The following PLEKHG5 variants were observed in gnomAD, a reference collection of about 807,000 sequenced individuals.
The protein encoded by PLEKHG5 is pleckstrin homology domain-containing family G member 5.
PLEKHG5 carries 52 observed loss-of-function variants against 103.8 expected under a neutral mutation model. The ratio of observed to expected loss-of-function variants is 0.50; its 90% CI spans 0.40 to 0.63. The LOEUF (loss-of-function observed/expected upper bound fraction) is 0.63, where lower values mean the gene tolerates loss of function less well. Among genes scored for constraint, PLEKHG5 ranks in the 30% least tolerant of loss-of-function variants. PLEKHG5 has a pLI of 0.00. For missense variants in PLEKHG5, 1,205 were observed against 1,347.6 expected, an observed-to-expected ratio of 0.89 and a Z score of 1.66; for synonymous variants, 592 against 575.5, an observed-to-expected ratio of 1.03 and a Z score of -0.41.
chr1:6,513,393 C>T (rs754236370), intron 1 of PLEKHG5, among the ~76,000 whole-genome samples: 9 of 152,236 alleles, frequency 5.9e-5, no homozygotes, highest in Admixed American at 6.5e-5. Context: ...CCTGGATGCC[C>T]GCCTGGGGTC....
At chr1:6,479,357 A>G (rs1255439446) in intron 1 of PLEKHG5, among the ~76,000 whole-genome samples, 161 of 132,146 alleles carry the variant, frequency 1.2e-3, no homozygotes, top group African/African-American at 4.4e-3. Context: ...CGCGATCTCG[A>G]CTCACTGCAA....
intron 7 of PLEKHG5, 143 bp from the exon 8 acceptor site, chr1:6,473,597 A>T: frequency 1.5e-6 from 1 of 649,206 alleles, no homozygotes; most frequent in South Asian, 2.0e-5. Context: ...CTCTCCTGGG[A>T]CCCAGACATA....
chr1:6,496,452 C>T (rs781468396), upstream of PLEKHG5: 2 of 1,455,398 alleles, frequency 1.4e-6, no homozygotes, highest in Admixed American at 1.7e-5. Flanking sequence ...AGCCCTGGCC[C>T]CTCTGCCCCC....
At chr1:6,503,375 C>G (rs1645316852) in intron 1 of PLEKHG5, among the ~76,000 whole-genome samples, 2 of 151,460 alleles carry the variant, frequency 1.3e-5, no homozygotes, top group Non-Finnish European at 2.9e-5. Context: ...CCACTGCACT[C>G]CAGCCTGGGT....
At position 6,505,303 on chromosome 1, in the gene PLEKHG5, C is replaced by A. The variant is rs1029717494; in HGVS notation, c.-164-8734G>T. Reference sequence around the variant, plus strand: ...CCGACCAGCCCACGATGCCGACCAGCCTACGGTGCCGACCAGCTGAGCTGA... The same window carrying A: ...CCGACCAGCCCACGATGCCGACCAGACTACGGTGCCGACCAGCTGAGCTGA... On this transcript the variant is annotated intron_variant, in intron 1 of 21. Transcript: ENST00000377740. This position sits in a 1 kb window ranked among gnomAD's most constrained non-coding sequence, Gnocchi z 4.2. Among the ~76,000 whole-genome samples, 2 of 152,124 alleles carry A rather than the reference C, an allele frequency of 1.3e-5. No homozygotes were observed.
chr1:6,469,261 A>G lies in PLEKHG5; in HGVS notation c.2050-20T>C. ...CTGGTTCTGCAGGCAAGGTTGGGGT[A>G]CATGGGACAGAATGGGTTGTGACCA... On this transcript the variant is annotated intron_variant, in intron 18 of 20. Coordinates refer to ENST00000377728, the MANE Select transcript of PLEKHG5 (RefSeq NM_020631.6). 6.2e-7 allele frequency: 1 copy of G among 1,613,988 alleles called. No individual in the cohort carries two copies. Among genetic ancestry groups the G allele is most frequent in the Non-Finnish European group, 8.5e-7 (1 of 1,179,984 alleles).
Position 6,474,155 on chromosome 1 carries a change from T to C in PLEKHG5, c.449A>G (p.Lys150Arg). 6.2e-7 allele frequency: 1 copy of C among 1,613,454 alleles called. No homozygotes were observed. The highest frequency in any genetic ancestry group is 1.1e-5 in the South Asian group (1 of 91,058). Residue 150 changes from lysine (K) to arginine (R), a missense_variant, in exon 7 of 21, where the codon AAG becomes AGG. Transcript: ENST00000377728. ...GHYLRVKAPA[K>R]PGDEGKVEQG... ...CTCCACCTTGCCCTCATCTCCAGGCTTGGCTGGGGCTGCATGTGGGGGCCA... is the reference window on the plus strand; with the variant it reads ...CTCCACCTTGCCCTCATCTCCAGGCCTGGCTGGGGCTGCATGTGGGGGCCA...
chr1:6,484,620 G>T (rs1222088425), intron 1 of PLEKHG5, among the ~76,000 whole-genome samples: 3 of 152,082 alleles, frequency 2.0e-5, no homozygotes, highest in African/African-American at 7.2e-5. Flanking sequence ...CCAGAGGCAG[G>T]ACTCCCCCAG....
intron 1 of PLEKHG5, among the ~76,000 whole-genome samples, chr1:6,504,426 C>T (rs576931660): frequency 1.3e-5 from 2 of 152,246 alleles, no homozygotes; most frequent in South Asian, 4.2e-4. Flanking sequence ...GCCTGTGGGA[C>T]ACTGTACCTG....
intron 20 of PLEKHG5, 54 bp from the exon 21 acceptor site, chr1:6,467,626 G>A: frequency 1.3e-6 from 2 of 1,590,160 alleles, no homozygotes; most frequent in Non-Finnish European, 1.7e-6. Flanking sequence ...ATTCAGAGTG[G>A]CTCTGGTCAC....
intron 10 of PLEKHG5, 112 bp downstream of exon 10, chr1:6,472,415 C>T (rs2148586753): frequency 4.9e-6 from 4 of 815,934 alleles, no homozygotes; most frequent in East Asian, 5.3e-5. Flanking sequence ...ACTTTCCTGC[C>T]CCCACCTCAT....
chr1:6,485,144 C>T (rs1262022288), intron 1 of PLEKHG5, among the ~76,000 whole-genome samples: 1 of 152,176 alleles, frequency 6.6e-6, no homozygotes, highest in African/African-American at 2.4e-5. Context: ...CCGAGGTCCC[C>T]GTCACCAGGG....
rs1209077258 is a variant in PLEKHG5, at chr1:6,470,778, C to T, written c.1499G>A (p.Arg500Lys). ...CTTGGCGCGCGGCTCCTCGGTCTTC[C>T]TCAGCACCGACTTGAGCAGCAGCGG... ...KYPLLLKSVLRKTEEPRAKEA... is the reference protein window; with the variant it reads ...KYPLLLKSVLKKTEEPRAKEA... Residue 500 changes from arginine (R) to lysine (K), a missense_variant, in exon 14 of 21, where the codon AGG becomes AAG. Transcript: ENST00000377728. The T allele has an allele frequency of 1.3e-6, 2 of 1,570,642 alleles. No individual in the cohort carries two copies. The highest frequency in any genetic ancestry group is 2.7e-5 in the African/African-American group (2 of 74,194).
At chr1:6,475,788 C>G (rs931179755) in intron 3 of PLEKHG5, 143 bp downstream of exon 3, 1 of 825,350 alleles carries the variant, frequency 1.2e-6, no homozygotes, top group Non-Finnish European at 2.1e-6. Context: ...TTCCCGGAGT[C>G]AGGACAGCCA....
At chr1:6,488,878 G>A (rs1025501013) in intron 1 of PLEKHG5, among the ~76,000 whole-genome samples, 5 of 152,054 alleles carry the variant, frequency 3.3e-5, no homozygotes, top group African/African-American at 1.2e-4. Context: ...GAATAATGGA[G>A]TCTCCAAGGC....
chr1:6,481,748 C>A (rs191502222), intron 1 of PLEKHG5, among the ~76,000 whole-genome samples: 146 of 151,384 alleles, frequency 9.6e-4, no homozygotes, highest in African/African-American at 3.4e-3. Context: ...CCTGTAGTCC[C>A]AGCTACTCAG....
chr1:6,507,165 A>G (rs1569997353), intron 1 of PLEKHG5, among the ~76,000 whole-genome samples: 1 of 152,280 alleles, frequency 6.6e-6, no homozygotes, highest in Non-Finnish European at 1.5e-5. Flanking sequence ...CCTCCTGTGG[A>G]GAGACCTCTG....
chr1:6,496,457 GC>G, upstream of PLEKHG5: 1 of 1,505,254 alleles, frequency 6.6e-7, no homozygotes, highest in Non-Finnish European at 9.2e-7. Flanking sequence ...TGGCCCCTCT[GC>G]CCCCGAGGGT....
intron 1 of PLEKHG5, among the ~76,000 whole-genome samples, chr1:6,480,591 C>T (rs1644874034): frequency 1.3e-5 from 2 of 150,984 alleles, no homozygotes; most frequent in Admixed American, 1.3e-4. Context: ...CTTTAGCATA[C>T]ATAGATGATT....
Sources: allele counts gnomAD v4.1 joint callset (sites outside exome capture counted in the v4.1 genomes callset), GRCh38; gene constraint gnomAD v4.1.1; non-coding constraint Gnocchi (gnomAD v3.1); transcripts MANE v1.5; gene names NCBI Gene and HGNC (gene_info 2026-07-23, HGNC 2026-07-21).